CDKAL1: variants seen among roughly 807,000 people sequenced by gnomAD.
CDKAL1 encodes CDKAL1 threonylcarbamoyladenosine tRNA methylthiotransferase, also known as threonylcarbamoyladenosine tRNA methylthiotransferase.
In CDKAL1, 32 loss-of-function variants were observed where a neutral mutation model predicts 68.2. The observed-to-expected ratio is 0.47, with a 90% CI of 0.35 to 0.63. CDKAL1 has a LOEUF of 0.63. CDKAL1 is among the 30% of genes least tolerant of loss of function. The pLI, the probability that CDKAL1 is intolerant of heterozygous loss-of-function variation, is 0.00. For synonymous variants in CDKAL1, 234 were observed against 244.3 expected, an observed-to-expected ratio of 0.96 and a Z score of 0.39; for missense variants, 606 against 696.7, an observed-to-expected ratio of 0.87 and a Z score of 1.47.
At chr6:21,119,171 C>T (rs1407820001) in intron 13 of CDKAL1, among the ~76,000 whole-genome samples, 1 of 152,130 alleles carries the variant, frequency 6.6e-6, no homozygotes, top group Non-Finnish European at 1.5e-5. Flanking sequence ...TTGAGAACTT[C>T]ATTTCCCTGG....
In CDKAL1 at chr6:21,031,532, G is replaced by C. The variant is rs148361244; in HGVS notation, c.1055+31160G>C. Among the ~76,000 whole-genome samples, 510 of 151,926 alleles carry C rather than the reference G, an allele frequency of 3.4e-3. 2 individuals carry two copies. The highest frequency in any genetic ancestry group is 9.8e-3 in the African/African-American group (406 of 41,452). The stretch of plus-strand genomic sequence containing the variant: ...TCTGCCTACCAGGGGCTGGGAGTTC[G>C]GGGACCATCTTAGAATTCTGCCTAC... On this transcript the variant is annotated intron_variant, in intron 11 of 15. Coordinates refer to ENST00000274695, the MANE Select transcript of CDKAL1 (RefSeq NM_017774.3).
At chr6:20,897,006 C>G (rs887903536) in intron 9 of CDKAL1, among the ~76,000 whole-genome samples, 1 of 152,174 alleles carries the variant, frequency 6.6e-6, no homozygotes, top group African/African-American at 2.4e-5. Context: ...GTATAAACAG[C>G]ATGGATTTAC....
At chr6:21,037,695 A>G (rs1769667942) in intron 11 of CDKAL1, among the ~76,000 whole-genome samples, 5 of 152,192 alleles carry the variant, frequency 3.3e-5, no homozygotes, top group Admixed American at 3.3e-4. Flanking sequence ...TTAACTAGCC[A>G]TGTGTAGCTA....
chr6:20,936,460 C>G (rs545427673), intron 9 of CDKAL1, among the ~76,000 whole-genome samples: 13 of 151,044 alleles, frequency 8.6e-5, no homozygotes, highest in African/African-American at 2.9e-4. Context: ...CCGTTTTAGC[C>G]GGGATGGTCT....
At chr6:21,051,414 T>G (rs138872525) in intron 11 of CDKAL1, among the ~76,000 whole-genome samples, 5 of 152,290 alleles carry the variant, frequency 3.3e-5, no homozygotes, top group African/African-American at 1.2e-4. Flanking sequence ...CGTGAACTTA[T>G]GATCAGCCAG....
intron 8 of CDKAL1, among the ~76,000 whole-genome samples, chr6:20,797,004 A>G (rs976573023): frequency 3.3e-5 from 5 of 152,232 alleles, no homozygotes; most frequent in African/African-American, 1.2e-4. Flanking sequence ...ACCCAAAAGT[A>G]TGATCTATAA....
intron 9 of CDKAL1, among the ~76,000 whole-genome samples, chr6:20,944,105 A>G (rs888763050): frequency 2.0e-5 from 3 of 152,192 alleles, no homozygotes; most frequent in African/African-American, 4.8e-5. Context: ...CAACTCAGAA[A>G]GGTCACTGGG....
At chr6:20,716,815 T>TC (rs11427712) in intron 5 of CDKAL1, among the ~76,000 whole-genome samples, 52,859 of 150,992 alleles carry the variant, frequency 0.35, 11,549 homozygotes, top group African/African-American at 0.61. Context: ...TTGGGAATCA[T>TC]GTGCTGTAGA....
chr6:21,053,481 C>T (rs984226906), intron 11 of CDKAL1, among the ~76,000 whole-genome samples: 2 of 152,272 alleles, frequency 1.3e-5, no homozygotes, highest in East Asian at 1.9e-4. Context: ...CTTGGGTAGA[C>T]ACCTAGAGTA....
intron 4 of CDKAL1, among the ~76,000 whole-genome samples, chr6:20,591,197 TG>T (rs1377593937): frequency 2.6e-5 from 4 of 152,170 alleles, no homozygotes; most frequent in African/African-American, 9.6e-5. Flanking sequence ...CACTTTTTGA[TG>T]GGGTTATTTT....
At chr6:20,967,934 C>G (rs953406087) in intron 10 of CDKAL1, among the ~76,000 whole-genome samples, 16 of 152,204 alleles carry the variant, frequency 1.1e-4, no homozygotes, top group Non-Finnish European at 1.8e-4. Context: ...TCACTTCCCT[C>G]TCTTCCATAT....
chr6:21,149,171 A>G (rs561882169), intron 13 of CDKAL1, among the ~76,000 whole-genome samples: 1 of 151,734 alleles, frequency 6.6e-6, no homozygotes, highest in African/African-American at 2.4e-5. Flanking sequence ...ACAGTGTCTC[A>G]CTCTGTTGCC....
At chr6:20,852,369 C>T (rs928273719) in intron 9 of CDKAL1, among the ~76,000 whole-genome samples, 4 of 152,162 alleles carry the variant, frequency 2.6e-5, no homozygotes, top group Non-Finnish European at 5.9e-5. Flanking sequence ...TATTTTCATG[C>T]ATTCTTTCCT....
chr6:21,154,682 G>C (rs146431405), intron 13 of CDKAL1, among the ~76,000 whole-genome samples: 1 of 152,148 alleles, frequency 6.6e-6, no homozygotes, highest in Non-Finnish European at 1.5e-5. Context: ...ACTCTACAAT[G>C]TGTAAAATAT....
At chr6:20,599,452 G>A (rs1765987728) in intron 4 of CDKAL1, 3 of 428,480 alleles carry the variant, frequency 7.0e-6, no homozygotes, top group South Asian at 1.7e-5. Context: ...AACTGTTTTT[G>A]TTTGACCCAT....
At chr6:20,861,273 A>C (rs1306671277) in intron 9 of CDKAL1, among the ~76,000 whole-genome samples, 1 of 152,218 alleles carries the variant, frequency 6.6e-6, no homozygotes, top group Non-Finnish European at 1.5e-5. Flanking sequence ...CCATAAATGT[A>C]AGCGTACGTA....
At chr6:20,741,074 C>T (rs1234145346) in intron 6 of CDKAL1, among the ~76,000 whole-genome samples, 1 of 152,030 alleles carries the variant, frequency 6.6e-6, no homozygotes, top group Non-Finnish European at 1.5e-5. Context: ...TCTCTGCATA[C>T]ATTTTGGCAA....
intron 9 of CDKAL1, among the ~76,000 whole-genome samples, chr6:20,906,965 A>G (rs1762254972): frequency 6.6e-6 from 1 of 152,272 alleles, no homozygotes; most frequent in African/African-American, 2.4e-5. Flanking sequence ...TTATGCAATT[A>G]TAACTCATAT....
In CDKAL1 at chr6:20,988,640, G is replaced by C. The variant is rs187064798; in HGVS notation, c.910-11587G>C. Among the ~76,000 whole-genome samples, 68 of 151,736 alleles carry C rather than the reference G, an allele frequency of 4.5e-4. 1 individual carries two copies. The East Asian group carries it at 0.012, about 28-fold the overall frequency. On this transcript the variant is annotated intron_variant, in intron 10 of 15. Transcript: ENST00000274695. ...GACTGAGAGAATCACTGGTTTTTTT[G>C]TTTCTATTTTTATTTATTTATTTAT... is the stretch of plus-strand genomic sequence containing the variant.
Sources: gnomAD v4.1 joint callset for allele counts (sites outside exome capture counted in the v4.1 genomes callset) on GRCh38, gnomAD v4.1.1 for gene constraint, MANE v1.5 for transcripts, NCBI Gene and HGNC (gene_info 2026-07-23, HGNC 2026-07-21) for gene names.